FBXW11: variants seen among roughly 807,000 people sequenced by gnomAD.
The protein encoded by FBXW11 is F-box/WD repeat-containing protein 11.
Under a neutral mutation model 77.6 loss-of-function variants are expected in FBXW11, and 19 were observed. The ratio of observed to expected loss-of-function variants is 0.24; its 90% CI spans 0.17 to 0.36. The LOEUF is 0.36. Ranked by LOEUF, FBXW11 falls within the 10% of genes least tolerant of loss-of-function variation. The pLI, the probability that FBXW11 is intolerant of heterozygous loss-of-function variation, is 1.00. For synonymous variants in FBXW11, 235 were observed against 249.4 expected (o/e 0.94, Z 0.54); for missense variants, 334 against 704.2 (o/e 0.47, Z 5.95).
intron 9 of FBXW11, among the ~76,000 whole-genome samples, chr5:171,873,665 C>T (rs997508818): frequency 3.3e-4 from 51 of 152,296 alleles, no homozygotes; most frequent in African/African-American, 1.2e-3. Flanking sequence ...AAAGTCTCAC[C>T]TTTCATATCA....
intron 1 of FBXW11, chr5:171,996,775 T>C (rs1386666195): frequency 1.1e-5 from 8 of 696,878 alleles, no homozygotes; most frequent in African/African-American, 1.9e-5. Context: ...CACAAACGTC[T>C]AATATTTCTC....
At chr5:171,969,633 A>G (rs1764412042) in intron 1 of FBXW11, among the ~76,000 whole-genome samples, 1 of 152,252 alleles carries the variant, frequency 6.6e-6, no homozygotes, top group African/African-American at 2.4e-5. Flanking sequence ...CTAAATTCCT[A>G]AAGTATGAAA....
intron 10 of FBXW11, among the ~76,000 whole-genome samples, chr5:171,871,770 C>T (rs1330574612): frequency 6.6e-6 from 1 of 152,212 alleles, no homozygotes. Context: ...TATTTTATTA[C>T]AGCTGCCCTT....
At chr5:172,002,945 C>A (rs921944813) in intron 1 of FBXW11, among the ~76,000 whole-genome samples, 1 of 151,976 alleles carries the variant, frequency 6.6e-6, no homozygotes, top group Non-Finnish European at 1.5e-5. Context: ...GCAATCCTCC[C>A]ACCTCCTAAA....
intron 1 of FBXW11, among the ~76,000 whole-genome samples, chr5:171,989,203 T>G (rs1330795856): frequency 1.3e-5 from 2 of 152,100 alleles, no homozygotes; most frequent in African/African-American, 4.8e-5. Flanking sequence ...AATCTACAAT[T>G]TTGCAACCCC....
At chr5:171,879,707 A>G (rs138917031) in intron 7 of FBXW11, among the ~76,000 whole-genome samples, 1 of 152,236 alleles carries the variant, frequency 6.6e-6, no homozygotes, top group Non-Finnish European at 1.5e-5. Flanking sequence ...ACAATGTGTA[A>G]CATCTTTTCA....
intron 7 of FBXW11, among the ~76,000 whole-genome samples, chr5:171,889,898 AT>A (rs1561652562): frequency 6.6e-6 from 1 of 152,086 alleles, no homozygotes; most frequent in African/African-American, 2.4e-5. Context: ...CTCAAAAAAA[AT>A]TTTTTTTAAA....
intron 4 of FBXW11, among the ~76,000 whole-genome samples, chr5:171,903,305 C>A (rs1561667130): frequency 1.3e-5 from 2 of 152,128 alleles, no homozygotes; most frequent in Admixed American, 6.6e-5. Context: ...CACTATATTG[C>A]CCGGGGTGGT....
intron 1 of FBXW11, among the ~76,000 whole-genome samples, chr5:171,988,939 G>A (rs964806505): frequency 2.6e-5 from 4 of 152,128 alleles, no homozygotes; most frequent in Non-Finnish European, 4.4e-5. Flanking sequence ...CACTTTGGGA[G>A]GCCGAGGTGG....
At chr5:171,904,000 G>C (rs1183996597) in intron 4 of FBXW11, among the ~76,000 whole-genome samples, 1 of 152,112 alleles carries the variant, frequency 6.6e-6, no homozygotes, top group Non-Finnish European at 1.5e-5. Context: ...CAAATGGCAA[G>C]ACAAGGATGC....
chr5:171,955,954 G>A (rs990136569), intron 2 of FBXW11, among the ~76,000 whole-genome samples: 2 of 152,046 alleles, frequency 1.3e-5, no homozygotes, highest in Admixed American at 1.3e-4. Context: ...CCCACCTCCA[G>A]AGAACTCACA....
chr5:171,878,190 C>T, intron 7 of FBXW11, 61 bp from the exon 8 acceptor site: 1 of 1,148,832 alleles, frequency 8.7e-7, no homozygotes, highest in Non-Finnish European at 1.3e-6. Context: ...ATGAATGTTA[C>T]TGTCCCACCT....
In FBXW11 at chr5:171,876,348, G is replaced by A. The variant is rs775168567; in HGVS notation, c.1158C>T (p.Ala386=). 1.2e-5 allele frequency: 19 copies of A among 1,614,054 alleles called. No homozygotes were observed. The highest frequency in any genetic ancestry group is 5.3e-5 in the African/African-American group (4 of 74,928). The change falls in exon 9 of 14, where the codon GCC becomes GCT. Residue 386 remains alanine, a synonymous_variant. Coordinates refer to ENST00000517395, the MANE Select transcript of FBXW11 (RefSeq NM_001378974.1). The surrounding 1 kb of genome is among the most constrained non-coding windows in gnomAD (Gnocchi z 4.2). The part of the protein sequence containing the change: ...LRRVLVGHRA[A]VNVVDFDDKY... The stretch of plus-strand genomic sequence containing the variant: ...TGTCGTCAAAGTCTACTACATTGAC[G>A]GCAGCCCGGTGGCCAACCAGGACAC...
rs11434000 is a variant in FBXW11, at chr5:171,999,825, CT to C, written c.45+6632del. Among the ~76,000 whole-genome samples the C allele has an allele frequency of 5.6e-3, 835 of 149,286 alleles. 4 individuals are homozygous for C. Among genetic ancestry groups the C allele is most frequent in the Middle Eastern group, 0.01 (3 of 292 alleles). On this transcript the variant is annotated intron_variant, in intron 1 of 13. Transcript: ENST00000517395. ...TCTATCACAAGCCAAAGAGCCAAAG[CT>C]TTTTTTTTTATTTTTCCTATTAATG...
Position 171,876,555 on chromosome 5 carries a change from A to G in FBXW11, c.972-21T>C. 6.2e-7 allele frequency: 1 copy of G among 1,607,830 alleles called. No individual in the cohort carries two copies. The highest frequency in any genetic ancestry group is 8.5e-7 in the Non-Finnish European group (1 of 1,174,802). The stretch of plus-strand genomic sequence containing the variant: ...ACACTCTAGGAGAGAAGAGAAAAGC[A>G]TGATGCTTAATTATGGAGACAGCCA... On this transcript the variant is annotated intron_variant, in intron 8 of 13. Coordinates refer to ENST00000517395, the MANE Select transcript of FBXW11 (RefSeq NM_001378974.1). This position sits in a 1 kb window ranked among gnomAD's most constrained non-coding sequence, Gnocchi z 4.2.
intron 1 of FBXW11, among the ~76,000 whole-genome samples, chr5:171,969,003 C>T (rs1764377192): frequency 6.6e-6 from 1 of 152,190 alleles, no homozygotes; most frequent in African/African-American, 2.4e-5. Flanking sequence ...GGCGTGGTGG[C>T]TCATGCCTGT....
intron 2 of FBXW11, among the ~76,000 whole-genome samples, chr5:171,944,100 G>T (rs890041300): frequency 1.3e-5 from 2 of 152,030 alleles, no homozygotes; most frequent in Non-Finnish European, 2.9e-5. Flanking sequence ...ACAAGTTATG[G>T]AAAGTTCATA....
chr5:171,902,090 G>T (rs1760162679), intron 4 of FBXW11, among the ~76,000 whole-genome samples: 1 of 152,178 alleles, frequency 6.6e-6, no homozygotes, highest in South Asian at 2.1e-4. Flanking sequence ...CATCCGGTCT[G>T]TAGTCATCTA....
chr5:171,951,156 T>C (rs1226827004), intron 2 of FBXW11, among the ~76,000 whole-genome samples: 2 of 150,770 alleles, frequency 1.3e-5, no homozygotes, highest in Non-Finnish European at 3.0e-5. Context: ...TAAAGATACA[T>C]ATGCAATGAA....
Sources: gnomAD v4.1 joint callset for allele counts (sites outside exome capture counted in the v4.1 genomes callset) on GRCh38, gnomAD v4.1.1 for gene constraint, Gnocchi (gnomAD v3.1) non-coding constraint, MANE v1.5 for transcripts, NCBI Gene and HGNC (gene_info 2026-07-23, HGNC 2026-07-21) for gene names.